The following GPHN variants were observed in gnomAD, a reference collection of about 807,000 sequenced individuals.
GPHN encodes the protein gephyrin.
GPHN carries 17 observed loss-of-function variants against 95.5 expected under a neutral mutation model. The ratio of observed to expected loss-of-function variants is 0.18; its 90% confidence interval spans 0.12 to 0.27. GPHN has a LOEUF of 0.27. Among genes scored for constraint, GPHN ranks in the 10% least tolerant of loss-of-function variants. GPHN has a pLI of 1.00. For synonymous variants in GPHN, 320 were observed against 322.5 expected (o/e 0.99, Z 0.08); for missense variants, 660 against 978.1 (o/e 0.67, Z 4.34).
intron 2 of GPHN, among the ~76,000 whole-genome samples, chr14:66,704,082 C>T (rs2068831414): frequency 6.6e-6 from 1 of 151,798 alleles, no homozygotes; most frequent in African/African-American, 2.4e-5. Context: ...AAGGGCATTA[C>T]ATAATGGTAA....
At chr14:66,779,970 G>C (rs1269997467) in intron 3 of GPHN, among the ~76,000 whole-genome samples, 1 of 152,060 alleles carries the variant, frequency 6.6e-6, no homozygotes, top group African/African-American at 2.4e-5. Context: ...AAAATGATTA[G>C]AACCTGAACT....
chr14:67,414,822 A>C, the GPHN span, among the ~76,000 whole-genome samples: 1 of 152,264 alleles, frequency 6.6e-6, no homozygotes, highest in South Asian at 2.1e-4. Context: ...CAGAATCAGA[A>C]TCTAATCCCT....
At chr14:67,341,097 C>T in the GPHN span, among the ~76,000 whole-genome samples, 1 of 152,226 alleles carries the variant, frequency 6.6e-6, no homozygotes, top group Non-Finnish European at 1.5e-5. Flanking sequence ...AGCCGCCACC[C>T]GGTCTGGGAA....
chr14:67,040,592 A>G (rs1310415828), intron 10 of GPHN, among the ~76,000 whole-genome samples: 1 of 152,208 alleles, frequency 6.6e-6, no homozygotes, highest in South Asian at 2.1e-4. Flanking sequence ...ATCATGCGTT[A>G]CATTTAGTTA....
At chr14:67,323,588 T>C in the GPHN span, 1 of 277,266 alleles carries the variant, frequency 3.6e-6, no homozygotes, top group South Asian at 1.6e-4. Flanking sequence ...CACTCTAGCC[T>C]AGGCAACAGA....
At chr14:67,562,095 C>T in the GPHN span, 1 of 1,600,650 alleles carries the variant, frequency 6.2e-7, no homozygotes, top group Non-Finnish European at 8.5e-7. Flanking sequence ...TGGGGCTGAG[C>T]TACGGGAGCT....
the GPHN span, chr14:67,569,205 C>T: frequency 6.2e-7 from 1 of 1,610,700 alleles, no homozygotes. Flanking sequence ...AGAAGTAATA[C>T]TGCATGCTGC....
chr14:66,606,856 T>C (rs2062559416), intron 1 of GPHN, among the ~76,000 whole-genome samples: 1 of 152,142 alleles, frequency 6.6e-6, no homozygotes, highest in Non-Finnish European at 1.5e-5. Context: ...GCATCTTTAA[T>C]GTTTTCTAGG....
At chr14:66,889,256 C>G (rs2064350780) in intron 5 of GPHN, among the ~76,000 whole-genome samples, 1 of 151,982 alleles carries the variant, frequency 6.6e-6, no homozygotes, top group African/African-American at 2.4e-5. Context: ...AGATACAACC[C>G]ACATATATAA....
chr14:67,558,943 G>A, the GPHN span, among the ~76,000 whole-genome samples: 1 of 152,240 alleles, frequency 6.6e-6, no homozygotes, highest in Non-Finnish European at 1.5e-5. Context: ...ACAAAAACAG[G>A]TCTGGGTGGG....
the GPHN span, among the ~76,000 whole-genome samples, chr14:67,704,516 G>A: frequency 6.6e-6 from 1 of 152,042 alleles, no homozygotes; most frequent in Non-Finnish European, 1.5e-5. Context: ...AACCACCCTG[G>A]GTTAGGGGAT....
chr14:67,011,573 CAAAAAAAA>C (rs201978777), intron 9 of GPHN, among the ~76,000 whole-genome samples: 6 of 63,186 alleles, frequency 9.5e-5, no homozygotes, highest in Admixed American at 3.8e-4. Flanking sequence ...GACCTTGCCT[CAAAAAAAA>C]AAAAAAAAAA....
the GPHN span, among the ~76,000 whole-genome samples, chr14:67,188,718 C>A: frequency 6.6e-6 from 1 of 152,158 alleles, no homozygotes; most frequent in Non-Finnish European, 1.5e-5. Flanking sequence ...ATTGAACCAC[C>A]ACCAGAGCCT....
intron 1 of GPHN, among the ~76,000 whole-genome samples, chr14:66,609,881 C>T (rs755096465): frequency 1.1e-4 from 17 of 152,100 alleles, no homozygotes; most frequent in East Asian, 7.7e-4. Flanking sequence ...TCACCTTTCT[C>T]GTAAAGCCAT....
At chr14:66,918,427 C>T (rs2066025077) in intron 6 of GPHN, among the ~76,000 whole-genome samples, 1 of 152,100 alleles carries the variant, frequency 6.6e-6, no homozygotes, top group African/African-American at 2.4e-5. Context: ...AAAGTGGGGT[C>T]AGAAGGCCAA....
At chr14:67,549,303 C>T in the GPHN span, among the ~76,000 whole-genome samples, 23 of 150,962 alleles carry the variant, frequency 1.5e-4, no homozygotes, top group African/African-American at 5.4e-4. Context: ...CAGAGTCTCA[C>T]TTTGTCACCT....
At chr14:66,902,040 G>A (rs932427973) in intron 5 of GPHN, among the ~76,000 whole-genome samples, 9 of 151,730 alleles carry the variant, frequency 5.9e-5, no homozygotes, top group Non-Finnish European at 1.0e-4. Flanking sequence ...GTGCTCTTCA[G>A]TTTCTTTCAT....
the GPHN span, among the ~76,000 whole-genome samples, chr14:67,368,158 G>A: frequency 6.6e-6 from 1 of 152,158 alleles, no homozygotes; most frequent in Non-Finnish European, 1.5e-5. Context: ...GGAAAAAGTA[G>A]GTCAGAGCTT....
intron 9 of GPHN, among the ~76,000 whole-genome samples, chr14:66,999,030 G>C (rs942091380): frequency 2.0e-5 from 3 of 151,672 alleles, no homozygotes; most frequent in Admixed American, 1.3e-4. Context: ...TCATTTTAAA[G>C]ATGAGGAAAT....
Sources: allele counts gnomAD v4.1 joint callset (sites outside exome capture counted in the v4.1 genomes callset), GRCh38; gene constraint gnomAD v4.1.1; transcripts MANE v1.5; gene names NCBI Gene and HGNC (gene_info 2026-07-23, HGNC 2026-07-21).